The following BRD9 variants were observed in gnomAD, a reference collection of about 807,000 sequenced individuals.
The protein encoded by BRD9 is bromodomain-containing protein 9.
A neutral mutation model predicts 68.7 loss-of-function variants in BRD9; 47 were observed. The observed-to-expected ratio is 0.68, with a 90% CI of 0.54 to 0.87. BRD9 has a LOEUF of 0.87. Among genes scored for constraint, BRD9 ranks in the 40% least tolerant of loss-of-function variants. The pLI is 0.00. For synonymous variants in BRD9, 313 were observed against 293.9 expected (o/e 1.06, Z -0.67); for missense variants, 670 against 748.4 (o/e 0.90, Z 1.22).
intron 14 of BRD9, chr5:869,346 C>G: frequency 4.4e-6 from 2 of 456,156 alleles, no homozygotes; most frequent in South Asian, 3.1e-5. Flanking sequence ...AATAAGACAC[C>G]AAATTCCGAT....
intron 12 of BRD9, among the ~76,000 whole-genome samples, chr5:874,082 C>T (rs1162178812): frequency 1.3e-5 from 2 of 152,206 alleles, no homozygotes; most frequent in East Asian, 1.9e-4. Context: ...GCAGACATAA[C>T]GCGAGCACAC....
At chr5:877,812 G>C (rs971542999) in intron 11 of BRD9, among the ~76,000 whole-genome samples, 1 of 152,138 alleles carries the variant, frequency 6.6e-6, no homozygotes, top group African/African-American at 2.4e-5. Context: ...AGTGACATGA[G>C]GCCATTAGGG....
chr5:871,412 C>T lies in BRD9; in HGVS notation c.1422+114G>A, dbSNP rs1750109725. On this transcript the variant is annotated intron_variant, in intron 13 of 15. Transcript: ENST00000467963. ...CACTATTGATCTTACTGATCAGAAA[C>T]GGACTCCATTTCTAAACGCCGTCAT... 2.4e-5 allele frequency: 22 copies of T among 907,322 alleles called. No individual in the cohort carries two copies. In the South Asian group the frequency reaches 2.4e-4, roughly 10 times the overall value. 56.2% of individuals were successfully genotyped at this position (907,322 alleles called of 1,614,324 possible). A position where few individuals can be genotyped will look rare whatever the true frequency, so the allele number is the denominator to read the frequency against.
intron 12 of BRD9, 98 bp from the exon 13 acceptor site, chr5:871,662 G>A (rs954212907): frequency 1.4e-5 from 16 of 1,166,344 alleles, no homozygotes; most frequent in South Asian, 4.9e-5. Context: ...TGGCTTGTGC[G>A]CTTCTGCGAA....
At chr5:890,893 T>TA (rs1249509428) in intron 3 of BRD9, among the ~76,000 whole-genome samples, 1 of 152,118 alleles carries the variant, frequency 6.6e-6, no homozygotes, top group African/African-American at 2.4e-5. Context: ...TATGAACGCT[T>TA]AAAAAACATA....
chr5:873,156 C>G (rs764045833), intron 12 of BRD9, among the ~76,000 whole-genome samples: 13 of 151,972 alleles, frequency 8.6e-5, no homozygotes, highest in Admixed American at 2.0e-4. Context: ...CAGAGTGAGA[C>G]TCTATGTCTC....
chr5:889,571 A>G lies in BRD9; in HGVS notation c.461+16T>C, dbSNP rs57435861. 13,290 of 1,613,440 alleles carry G rather than the reference A, an allele frequency of 8.2e-3. 724 individuals are homozygous for G. The African/African-American group carries it at 0.14, about 16-fold the overall frequency. On this transcript the variant is annotated intron_variant, in intron 4 of 15. Coordinates refer to ENST00000467963, the MANE Select transcript of BRD9 (RefSeq NM_023924.5). ...ACCCCCCCAGACACTAGCTCTTCAG[A>G]AACGCCCCGGTTTACCTCTGAAGCT...
chr5:877,229 G>C (rs1196268315), intron 11 of BRD9, among the ~76,000 whole-genome samples: 1 of 152,258 alleles, frequency 6.6e-6, no homozygotes, highest in East Asian at 1.9e-4. Flanking sequence ...GATGGCACCA[G>C]GGGAGCCACG....
At chr5:874,653 C>T (rs143887863) in intron 12 of BRD9, among the ~76,000 whole-genome samples, 11 of 152,330 alleles carry the variant, frequency 7.2e-5, no homozygotes, top group African/African-American at 2.6e-4. Context: ...GCAATAAATA[C>T]GAACGTGGCT....
In BRD9 at chr5:891,729, G is replaced by A. The variant is rs749915030; in HGVS notation, c.178C>T (p.Arg60Ter). ...SYYDDRSDHERERHKEKKKKK... is the reference protein window; with the variant it reads ...SYYDDRSDHE ...TTTTTCTTTTCTTTGTGCCTCTCTC[G>A]CTCATGGTCTGACCTGTCATCATAG... Residue 60 changes from arginine (R) to a stop codon, truncating the protein, a stop_gained, in exon 2 of 16, where the codon CGA becomes TGA. Transcript: ENST00000467963. LOFTEE classifies it high-confidence loss of function. 20 of 1,551,246 alleles carry A rather than the reference G, an allele frequency of 1.3e-5. No homozygotes were observed. The highest frequency in any genetic ancestry group is 4.1e-5 in the African/African-American group (3 of 72,932).
At chr5:880,860 A>G (rs141120695) in intron 9 of BRD9, among the ~76,000 whole-genome samples, 5,332 of 152,288 alleles carry the variant, frequency 0.035, 135 homozygotes, top group Non-Finnish European at 0.05. Context: ...TTTCAGGAAC[A>G]TGGCTCGAGT....
intron 9 of BRD9, 137 bp downstream of exon 9, chr5:880,970 T>C: frequency 1.2e-6 from 1 of 839,978 alleles, no homozygotes; most frequent in East Asian, 2.6e-5. Flanking sequence ...CACGTTGGGG[T>C]GCGAGCAAGG....
At chr5:882,177 T>C (rs1342945907) in intron 8 of BRD9, 1 of 152,712 alleles carries the variant, frequency 6.5e-6, no homozygotes, top group Non-Finnish European at 1.5e-5. Flanking sequence ...ATGTGGCAAT[T>C]CCAGGGCTGA....
chr5:881,314 T>G, intron 8 of BRD9, 132 bp from the exon 9 acceptor site: 2 of 822,914 alleles, frequency 2.4e-6, no homozygotes, highest in South Asian at 1.7e-5. Context: ...AGAGGGCCCC[T>G]CACGGCATTC....
chr5:884,377 C>T (rs1752249677), intron 7 of BRD9, among the ~76,000 whole-genome samples: 1 of 152,242 alleles, frequency 6.6e-6, no homozygotes, highest in African/African-American at 2.4e-5. Flanking sequence ...GATGCCCACA[C>T]TGGTTAGTTA....
At chr5:881,215 T>G (rs1751701008) in intron 8 of BRD9, 33 bp from the exon 9 acceptor site, 1 of 1,601,298 alleles carries the variant, frequency 6.2e-7, no homozygotes, top group Non-Finnish European at 8.6e-7. Flanking sequence ...CGTCTGTCCC[T>G]CAGGAGGGGC....
intron 6 of BRD9, 108 bp downstream of exon 6, chr5:887,253 T>G (rs1189313191): frequency 2.2e-6 from 2 of 907,022 alleles, no homozygotes; most frequent in African/African-American, 3.3e-5. Flanking sequence ...ACCATGAGGG[T>G]GGCGGGTGGA....
chr5:870,602 C>G, intron 13 of BRD9, 27 bp from the exon 14 acceptor site: 1 of 1,515,978 alleles, frequency 6.6e-7, no homozygotes, highest in Non-Finnish European at 9.1e-7. Context: ...ACATCAAGAG[C>G]AATTCAAACA....
intron 8 of BRD9, chr5:882,661 A>T: frequency 5.9e-6 from 1 of 170,330 alleles, no homozygotes; most frequent in Non-Finnish European, 1.3e-5. Flanking sequence ...CACGCAGACC[A>T]CAACCTCCCA....
Sources: allele counts gnomAD v4.1 joint callset (sites outside exome capture counted in the v4.1 genomes callset), GRCh38; gene constraint gnomAD v4.1.1; transcripts MANE v1.5; gene names NCBI Gene and HGNC (gene_info 2026-07-23, HGNC 2026-07-21).